MDGA2: variants seen among roughly 807,000 people sequenced by gnomAD.
MDGA2 encodes MAM domain containing glycosylphosphatidylinositol anchor 2, also known as MAM domain-containing glycosylphosphatidylinositol anchor protein 2.
MDGA2 carries 40 observed loss-of-function variants against 117.8 expected under a neutral mutation model. That is an observed-to-expected ratio of 0.34 (90% CI 0.26 to 0.44). The LOEUF is 0.44. Among genes scored for constraint, MDGA2 ranks in the 20% least tolerant of loss-of-function variants. MDGA2 has a pLI of 1.00. For synonymous variants in MDGA2, 452 were observed against 439.0 expected (o/e 1.03, Z -0.37); for missense variants, 1,123 against 1,250.6 (o/e 0.90, Z 1.54).
chr14:46,844,083 T>C (rs1880721410), intron 16 of MDGA2, among the ~76,000 whole-genome samples: 1 of 152,132 alleles, frequency 6.6e-6, no homozygotes, highest in South Asian at 2.1e-4. Context: ...TATTTATATC[T>C]CTTCTATTAT....
intron 15 of MDGA2, among the ~76,000 whole-genome samples, chr14:46,848,958 T>TA (rs529032921): frequency 2.0e-5 from 3 of 151,948 alleles, no homozygotes; most frequent in Non-Finnish European, 2.9e-5. Context: ...AGTGGTACAG[T>TA]AAAAAAAGTA....
At chr14:46,858,634 A>G (rs1234260285) in intron 14 of MDGA2, among the ~76,000 whole-genome samples, 1 of 151,738 alleles carries the variant, frequency 6.6e-6, no homozygotes, top group Admixed American at 6.6e-5. Context: ...TCACCGTGTT[A>G]GCCAGAATGG....
rs144240296 is a variant in MDGA2 at position 47,567,175 on chromosome 14, A to G, written c.280+107342T>C. On this transcript the variant is annotated intron_variant, in intron 1 of 16. Transcript: ENST00000399232. The stretch of plus-strand genomic sequence containing the variant: ...CTCAGCCTCCCAAAGTGCTGGGACT[A>G]TAGGCCTGAGTCATCATGCCCAGCC... 1.2e-4 allele frequency among the ~76,000 whole-genome samples: 19 copies of G among 152,226 alleles called. No individual in the cohort carries two copies. The East Asian group carries it at 2.5e-3, about 20-fold the overall frequency.
At chr14:47,606,453 T>C (rs756884886) in intron 1 of MDGA2, among the ~76,000 whole-genome samples, 7 of 152,216 alleles carry the variant, frequency 4.6e-5, no homozygotes, top group Non-Finnish European at 7.3e-5. Context: ...AAATATATAT[T>C]CTATATGTTT....
intron 3 of MDGA2, among the ~76,000 whole-genome samples, chr14:47,151,938 G>A (rs1391578846): frequency 3.9e-5 from 6 of 151,974 alleles, no homozygotes; most frequent in African/African-American, 1.4e-4. Context: ...TATAGTCAAT[G>A]TCAGTTTTCA....
At chr14:47,613,477 T>TCACACACACACA (rs200626697) in intron 1 of MDGA2, among the ~76,000 whole-genome samples, 19 of 138,248 alleles carry the variant, frequency 1.4e-4, no homozygotes, top group African/African-American at 4.8e-4. Context: ...TCTCTCTCTC[T>TCACACACACACA]CTCACACACA....
Position 47,652,853 on chromosome 14 carries a change from A to AAT in MDGA2, c.280+21662_280+21663dup, listed in dbSNP as rs200375408. Among the ~76,000 whole-genome samples, 945 of 152,268 alleles carry AAT rather than the reference A, an allele frequency of 6.2e-3. 12 individuals carry two copies. The highest frequency in any genetic ancestry group is 0.021 in the African/African-American group (893 of 41,554). On this transcript the variant is annotated intron_variant, in intron 1 of 16. Transcript: ENST00000399232. ...CTTTTAATTTTTTCAAAAAAGTAAA[A>AAT]ATGAATAAGAACTATAACTCAGAGT...
At chr14:47,649,738 T>C (rs1380302752) in intron 1 of MDGA2, among the ~76,000 whole-genome samples, 1 of 151,808 alleles carries the variant, frequency 6.6e-6, no homozygotes, top group African/African-American at 2.4e-5. Context: ...ATATAGAGCA[T>C]AATAAATTAT....
intron 1 of MDGA2, among the ~76,000 whole-genome samples, chr14:47,541,970 AC>A (rs1265561739): frequency 6.6e-6 from 1 of 152,218 alleles, no homozygotes; most frequent in Admixed American, 6.5e-5. Flanking sequence ...GTTCTGGATT[AC>A]TGAACTGCTC....
At chr14:47,370,850 T>C (rs1393607786) in intron 1 of MDGA2, among the ~76,000 whole-genome samples, 1 of 151,770 alleles carries the variant, frequency 6.6e-6, no homozygotes, top group Non-Finnish European at 1.5e-5. Context: ...TAGTTGATAC[T>C]GCACTACCTA....
At chr14:46,976,319 C>A (rs574610540) in intron 8 of MDGA2, among the ~76,000 whole-genome samples, 20 of 152,050 alleles carry the variant, frequency 1.3e-4, no homozygotes, top group African/African-American at 4.8e-4. Flanking sequence ...AAGAACAAAA[C>A]AGAACATCAA....
At chr14:47,401,358 C>T (rs1180999461) in intron 1 of MDGA2, among the ~76,000 whole-genome samples, 3 of 151,976 alleles carry the variant, frequency 2.0e-5, no homozygotes, top group Non-Finnish European at 2.9e-5. Context: ...CTTAGAATGC[C>T]TTAAGATTAA....
chr14:47,099,963 G>C (rs780699860), intron 5 of MDGA2, among the ~76,000 whole-genome samples: 10 of 151,962 alleles, frequency 6.6e-5, no homozygotes, highest in African/African-American at 2.4e-4. Context: ...TTAGTAACAC[G>C]AGGCAGTAAA....
intron 2 of MDGA2, among the ~76,000 whole-genome samples, chr14:47,294,488 T>G (rs558437743): frequency 6.6e-6 from 1 of 152,250 alleles, no homozygotes; most frequent in East Asian, 1.9e-4. Context: ...AAGTATTAGT[T>G]ATTTTAGTTG....
At chr14:47,585,794 A>T (rs1404432165) in intron 1 of MDGA2, among the ~76,000 whole-genome samples, 1 of 151,636 alleles carries the variant, frequency 6.6e-6, no homozygotes, top group East Asian at 1.9e-4. Context: ...TCCTATGTAC[A>T]TTTTTTCCAA....
intron 7 of MDGA2, among the ~76,000 whole-genome samples, chr14:47,041,002 A>T (rs1889045464): frequency 6.6e-6 from 1 of 152,180 alleles, no homozygotes; most frequent in South Asian, 2.1e-4. Flanking sequence ...TCAAAATAAT[A>T]GATAATAGAG....
intron 5 of MDGA2, among the ~76,000 whole-genome samples, chr14:47,115,983 G>A (rs924880222): frequency 2.0e-5 from 3 of 151,924 alleles, no homozygotes; most frequent in Non-Finnish European, 2.9e-5. Context: ...GAAAAGGAAC[G>A]AGTGAAACTG....
At chr14:47,103,859 A>G (rs1280839398) in intron 5 of MDGA2, among the ~76,000 whole-genome samples, 2 of 152,152 alleles carry the variant, frequency 1.3e-5, no homozygotes, top group Non-Finnish European at 2.9e-5. Context: ...TAGGTTCCCT[A>G]CCCATTCATT....
At chr14:47,072,552 T>G (rs571153964) in intron 6 of MDGA2, among the ~76,000 whole-genome samples, 1 of 152,178 alleles carries the variant, frequency 6.6e-6, no homozygotes, top group Non-Finnish European at 1.5e-5. Flanking sequence ...ATGATAGTGA[T>G]AGTTTAAAGT....
Sources: gnomAD v4.1 joint callset for allele counts (sites outside exome capture counted in the v4.1 genomes callset) on GRCh38, gnomAD v4.1.1 for gene constraint, MANE v1.5 for transcripts, NCBI Gene and HGNC (gene_info 2026-07-23, HGNC 2026-07-21) for gene names.